The following USP25 variants were observed in gnomAD, a reference collection of about 807,000 sequenced individuals.
USP25 encodes ubiquitin specific peptidase 25.
USP25 carries 85 observed loss-of-function variants against 158.5 expected under a neutral mutation model. The observed-to-expected ratio is 0.54, with a 90% confidence interval of 0.45 to 0.64. The LOEUF is 0.64. USP25 is among the 30% of genes least tolerant of loss of function. The probability of loss-of-function intolerance (pLI) is 0.00; values close to 1 mark genes in which losing one functional copy is unlikely to be tolerated. For synonymous variants in USP25, 464 were observed against 460.4 expected (o/e 1.01, Z -0.10); for missense variants, 1,242 against 1,327.3 (o/e 0.94, Z 1.00).
At chr21:15,800,941 T>C (rs2036103383) in intron 6 of USP25, among the ~76,000 whole-genome samples, 1 of 151,510 alleles carries the variant, frequency 6.6e-6, no homozygotes, top group Admixed American at 6.6e-5. Context: ...ACAACCCATT[T>C]TCAAAAGGGA....
chr21:15,848,602 T>C (rs2038738449), intron 19 of USP25, among the ~76,000 whole-genome samples: 1 of 152,154 alleles, frequency 6.6e-6, no homozygotes, highest in South Asian at 2.1e-4. Context: ...TGTGGGTTTG[T>C]ATAAGAATTG....
At chr21:15,797,205 G>A (rs978229495) in intron 5 of USP25, among the ~76,000 whole-genome samples, 1 of 151,234 alleles carries the variant, frequency 6.6e-6, no homozygotes, top group Non-Finnish European at 1.5e-5. Flanking sequence ...AAGGAAATAG[G>A]GCAAAAGCAT....
chr21:15,831,321 G>T, intron 15 of USP25, 80 bp from the exon 16 acceptor site: 2 of 1,332,162 alleles, frequency 1.5e-6, no homozygotes, highest in Non-Finnish European at 2.1e-6. Context: ...TCTCCAAACA[G>T]GTTGTTTGTG....
Position 15,818,782 on chromosome 21 carries a change from C to T in USP25, c.1016C>T (p.Ala339Val). ...GFKDLHECLEAAMIEGEIESL... is the reference protein window; with the variant it reads ...GFKDLHECLEVAMIEGEIESL... ...AAAGATCTGCATGAGTGCCTAGAAG[C>T]TGCAATGATTGAAGGAGAAATTGAG... Residue 339 changes from alanine to valine, a missense_variant, in exon 10 of 26, where the codon GCT (alanine) becomes GTT (valine). By Grantham distance (64) the Ala-to-Val change is moderately conservative. This residue lies in a region of USP25 where 627 missense variants were observed against 701.4 expected (regional missense o/e 0.89). Transcript: ENST00000400183. The T allele has an allele frequency of 6.2e-7, 1 of 1,613,890 alleles. No individual in the cohort carries two copies. The highest frequency in any genetic ancestry group is 8.5e-7 in the Non-Finnish European group (1 of 1,179,840).
chr21:15,771,450 A>G (rs1490307302), intron 3 of USP25, among the ~76,000 whole-genome samples: 1 of 152,166 alleles, frequency 6.6e-6, no homozygotes, highest in African/African-American at 2.4e-5. Flanking sequence ...AAGTGTGAGC[A>G]TGAACTTTTG....
At chr21:15,754,967 G>A (rs986227234) in intron 1 of USP25, among the ~76,000 whole-genome samples, 3 of 152,208 alleles carry the variant, frequency 2.0e-5, no homozygotes, top group African/African-American at 7.2e-5. Context: ...ATGAGCTAGA[G>A]CAGTGTAGTG....
At chr21:15,785,391 C>T (rs2035213357) in intron 4 of USP25, among the ~76,000 whole-genome samples, 1 of 152,168 alleles carries the variant, frequency 6.6e-6, no homozygotes, top group South Asian at 2.1e-4. Flanking sequence ...AGAACATGAA[C>T]AGCCGCAGAA....
At chr21:15,810,584 G>A (rs1424916089) in intron 8 of USP25, among the ~76,000 whole-genome samples, 1 of 152,182 alleles carries the variant, frequency 6.6e-6, no homozygotes, top group African/African-American at 2.4e-5. Flanking sequence ...TCTACCAGCA[G>A]TGTGAAACTT....
chr21:15,792,526 C>T (rs768366535), intron 5 of USP25, among the ~76,000 whole-genome samples: 1 of 151,580 alleles, frequency 6.6e-6, no homozygotes, highest in Non-Finnish European at 1.5e-5. Context: ...CTTCATTGGA[C>T]ATGCATGCTA....
chr21:15,750,980 T>G (rs1371399131), intron 1 of USP25, among the ~76,000 whole-genome samples: 2 of 152,206 alleles, frequency 1.3e-5, no homozygotes, highest in Non-Finnish European at 2.9e-5. Flanking sequence ...CAGAAATTGT[T>G]TTCAAGGAAT....
chr21:15,786,087 A>G (rs963388684), intron 4 of USP25, among the ~76,000 whole-genome samples: 1 of 152,182 alleles, frequency 6.6e-6, no homozygotes, highest in South Asian at 2.1e-4. Flanking sequence ...ACCTACCAAG[A>G]TTAAATTGAG....
chr21:15,755,648 T>TATTGGAAAC, intron 1 of USP25, among the ~76,000 whole-genome samples: 1 of 152,260 alleles, frequency 6.6e-6, no homozygotes, highest in African/African-American at 2.4e-5. Context: ...TGAGAGTATA[T>TATTGGAAAC]ATTGGAAACA....
intron 1 of USP25, among the ~76,000 whole-genome samples, chr21:15,755,275 A>G (rs1459462187): frequency 6.6e-6 from 1 of 152,106 alleles, no homozygotes; most frequent in Non-Finnish European, 1.5e-5. Context: ...CTTTTCCTGA[A>G]CCAAGTTTCA....
intron 9 of USP25, among the ~76,000 whole-genome samples, chr21:15,813,623 CTCTT>C (rs1418423827): frequency 6.6e-6 from 1 of 152,168 alleles, no homozygotes; most frequent in Non-Finnish European, 1.5e-5. Context: ...GCTTCTCCCA[CTCTT>C]TCTTTCTCAT....
chr21:15,775,421 A>T (rs150281757), intron 3 of USP25, among the ~76,000 whole-genome samples: 13 of 152,302 alleles, frequency 8.5e-5, no homozygotes, highest in Admixed American at 7.8e-4. Flanking sequence ...TGACTCCCAC[A>T]TCATTGCAGG....
intron 5 of USP25, among the ~76,000 whole-genome samples, chr21:15,793,449 T>G (rs1488159077): frequency 6.6e-6 from 1 of 151,190 alleles, no homozygotes; most frequent in Non-Finnish European, 1.5e-5. Flanking sequence ...TCTTTTTAGC[T>G]TAGATTTTTT....
intron 1 of USP25, 101 bp downstream of exon 1, chr21:15,730,539 C>T (rs1354414151): frequency 4.9e-6 from 6 of 1,227,322 alleles, no homozygotes; most frequent in Non-Finnish European, 6.1e-6. Context: ...GCCGCCTTCC[C>T]GGGCTTCCTC....
At chr21:15,876,579 C>G (rs2040105518) in intron 24 of USP25, 1 of 165,100 alleles carries the variant, frequency 6.1e-6, no homozygotes, top group Non-Finnish European at 1.3e-5. Context: ...GAGGAAATGC[C>G]AGATGCTTAT....
At position 15,874,507 on chromosome 21, in the gene USP25, A is replaced by G. The variant is rs2040022525; in HGVS notation, c.2990A>G (p.Tyr997Cys). The change falls in exon 24 of 26, where the codon TAT (tyrosine) becomes TGT (cysteine). Residue 997 changes from tyrosine to cysteine, a missense_variant. By Grantham distance (194) the Tyr-to-Cys change is radical. This residue lies in a region of USP25 where 608 missense variants were observed against 605.2 expected (regional missense o/e 1.00). Coordinates refer to ENST00000400183, the MANE Select transcript of USP25 (RefSeq NM_001283041.3). Reference sequence around the variant, plus strand: ...CATGATGAAGAATTGATATCACATTATAGAAGAGAATGTTTGCTAGTAAGT... The same window carrying G: ...CATGATGAAGAATTGATATCACATTGTAGAAGAGAATGTTTGCTAGTAAGT... ...RGHDEELISH[Y>C]RRECLLKLNE... 3.8e-6 allele frequency: 6 copies of G among 1,599,784 alleles called. No homozygotes were observed. The highest frequency in any genetic ancestry group is 5.1e-6 in the Non-Finnish European group (6 of 1,176,198).
Sources: allele counts gnomAD v4.1 joint callset (sites outside exome capture counted in the v4.1 genomes callset), GRCh38; gene constraint gnomAD v4.1.1; regional missense constraint gnomAD v4.1.1; transcripts MANE v1.5; gene names NCBI Gene and HGNC (gene_info 2026-07-23, HGNC 2026-07-21).